DSTYK: variants seen among roughly 807,000 people sequenced by gnomAD.
DSTYK encodes dual serine/threonine and tyrosine protein kinase.
DSTYK carries 34 observed loss-of-function variants against 98.7 expected under a neutral mutation model. The observed-to-expected ratio is 0.34, with a 90% CI of 0.26 to 0.46. The LOEUF (loss-of-function observed/expected upper bound fraction) is 0.46, where lower values mean the gene tolerates loss of function less well. Among genes scored for constraint, DSTYK ranks in the 20% least tolerant of loss-of-function variants. The pLI, the probability that DSTYK is intolerant of heterozygous loss-of-function variation, is 1.00. For synonymous variants in DSTYK, 462 were observed against 457.3 expected, an observed-to-expected ratio of 1.01 and a Z score of -0.13; for missense variants, 962 against 1,181.7, an observed-to-expected ratio of 0.81 and a Z score of 2.73.
At chr1:205,196,851 C>T (rs759036488) in intron 1 of DSTYK, among the ~76,000 whole-genome samples, 35 of 145,664 alleles carry the variant, frequency 2.4e-4, no homozygotes, top group Admixed American at 9.4e-4. Flanking sequence ...TGCAGCCTTC[C>T]GGGTTCGAGC....
intron 1 of DSTYK, among the ~76,000 whole-genome samples, chr1:205,200,255 C>T (rs887914977): frequency 3.1e-4 from 47 of 152,120 alleles, no homozygotes; most frequent in Admixed American, 3.1e-3. Flanking sequence ...CCAGGCTAGT[C>T]TTGAACTACT....
intron 2 of DSTYK, among the ~76,000 whole-genome samples, chr1:205,182,273 C>A (rs760776154): frequency 6.6e-6 from 1 of 151,528 alleles, no homozygotes; most frequent in Non-Finnish European, 1.5e-5. Flanking sequence ...TGGTGACGCA[C>A]GCCTGTAGTC....
intron 2 of DSTYK, among the ~76,000 whole-genome samples, chr1:205,179,015 A>C (rs1658315372): frequency 6.6e-6 from 1 of 151,990 alleles, no homozygotes; most frequent in African/African-American, 2.4e-5. Flanking sequence ...CTGTAGTCCC[A>C]GGCACTCAGG....
intron 3 of DSTYK, among the ~76,000 whole-genome samples, chr1:205,168,581 G>T (rs1657956316): frequency 6.6e-6 from 1 of 152,190 alleles, no homozygotes; most frequent in Admixed American, 6.5e-5. Context: ...TTGCATGGAG[G>T]TTTATACAGA....
Position 205,161,260 on chromosome 1 carries a change from T to A in DSTYK, c.1946A>T (p.His649Leu). 6.2e-7 allele frequency: 1 copy of A among 1,613,960 alleles called. No homozygotes were observed. Residue 649 changes from histidine (H) to leucine (L), a missense_variant and splice_region_variant, in exon 7 of 13, where the codon CAT becomes CTT. His to Leu is a moderately conservative substitution (Grantham distance 99). This residue lies in a region of DSTYK where 660 missense variants were observed against 855.0 expected (regional missense o/e 0.77). Transcript: ENST00000367162. ...ESCSLQDVLL[H>L]RKPKLGQELG... ...ATCTAGAAGAAAACCAGACTCACGATGAAGCAAGACATCCTGTAAAGAACA... is the reference window on the plus strand; with the variant it reads ...ATCTAGAAGAAAACCAGACTCACGAAGAAGCAAGACATCCTGTAAAGAACA...
At chr1:205,153,367 CCTACATCT>C (rs1167111478) in intron 10 of DSTYK, among the ~76,000 whole-genome samples, 1 of 152,122 alleles carries the variant, frequency 6.6e-6, no homozygotes, top group Non-Finnish European at 1.5e-5. Context: ...CAGCCTTCAT[CCTACATCT>C]CTGATCAAAC....
intron 7 of DSTYK, among the ~76,000 whole-genome samples, chr1:205,160,639 A>C (rs1657690137): frequency 6.6e-6 from 1 of 152,022 alleles, no homozygotes; most frequent in African/African-American, 2.4e-5. Context: ...CTGGCCCTGT[A>C]ACATTCTTCA....
At chr1:205,151,379 T>G (rs898533605) in intron 10 of DSTYK, among the ~76,000 whole-genome samples, 1 of 152,242 alleles carries the variant, frequency 6.6e-6, no homozygotes, top group South Asian at 2.1e-4. Context: ...ATAAACTTTT[T>G]AATTTTTTAA....
At chr1:205,207,703 C>T (rs1362968850) in intron 1 of DSTYK, among the ~76,000 whole-genome samples, 1 of 115,230 alleles carries the variant, frequency 8.7e-6, no homozygotes, top group African/African-American at 3.4e-5. Context: ...TTGCAGTGAG[C>T]CAAGATCACG....
intron 2 of DSTYK, among the ~76,000 whole-genome samples, chr1:205,171,365 G>A (rs926076104): frequency 2.6e-5 from 4 of 151,430 alleles, no homozygotes; most frequent in South Asian, 4.2e-4. Flanking sequence ...GCAGGAGAAC[G>A]GCTTGAACCC....
intron 10 of DSTYK, among the ~76,000 whole-genome samples, chr1:205,156,249 A>G (rs1273112734): frequency 1.3e-5 from 2 of 152,190 alleles, no homozygotes; most frequent in African/African-American, 4.8e-5. Flanking sequence ...AGCTGTGAGA[A>G]GAAGGCCACT....
chr1:205,209,764 C>T (rs1051428935), intron 1 of DSTYK, among the ~76,000 whole-genome samples: 1 of 152,070 alleles, frequency 6.6e-6, no homozygotes, highest in Non-Finnish European at 1.5e-5. Flanking sequence ...AGACCTAACA[C>T]GCAAAGTCAG....
chr1:205,164,768 T>A (rs1372771309), intron 3 of DSTYK, among the ~76,000 whole-genome samples: 1 of 152,162 alleles, frequency 6.6e-6, no homozygotes, highest in Non-Finnish European at 1.5e-5. Context: ...GCAATTTTGT[T>A]AGCTTTTATG....
Position 205,169,139 on chromosome 1 carries a change from C to A in DSTYK, c.1324+24G>T. ...TTAGAGACTCCTCCCGTGCCAGCAC[C>A]CCAACAAGCTCTCTGGGACCTACCT... is the stretch of plus-strand genomic sequence containing the variant. On this transcript the variant is annotated intron_variant, in intron 3 of 12. Coordinates refer to ENST00000367162, the MANE Select transcript of DSTYK (RefSeq NM_015375.3). The surrounding 1 kb of genome is among the most constrained non-coding windows in gnomAD (Gnocchi z 4.0). 6.5e-7 allele frequency: 1 copy of A among 1,548,676 alleles called. No individual in the cohort carries two copies. The highest frequency in any genetic ancestry group is 1.3e-5 in the South Asian group (1 of 78,960).
chr1:205,155,019 C>T (rs1022797970), intron 10 of DSTYK, among the ~76,000 whole-genome samples: 2 of 151,962 alleles, frequency 1.3e-5, no homozygotes, highest in Non-Finnish European at 2.9e-5. Context: ...GAGCCTCACT[C>T]TGTCACCCAG....
At chr1:205,151,680 G>C (rs958850849) in intron 10 of DSTYK, among the ~76,000 whole-genome samples, 2 of 137,942 alleles carry the variant, frequency 1.4e-5, no homozygotes, top group Non-Finnish European at 3.3e-5. Flanking sequence ...TGTCCAGGCT[G>C]GTTATAGGCT....
chr1:205,163,657 T>C, intron 4 of DSTYK, 66 bp downstream of exon 4: 4 of 1,301,274 alleles, frequency 3.1e-6, no homozygotes, highest in Non-Finnish European at 3.3e-6. Flanking sequence ...ATTTGAAGTG[T>C]GGACTTGTGC....
intron 1 of DSTYK, among the ~76,000 whole-genome samples, chr1:205,206,560 T>G (rs1174204140): frequency 6.6e-6 from 1 of 150,884 alleles, no homozygotes; most frequent in East Asian, 2.0e-4. Flanking sequence ...ATTACAGGCG[T>G]GAGCCACCGC....
At chr1:205,202,125 G>T in intron 1 of DSTYK, 1 of 487,800 alleles carries the variant, frequency 2.1e-6, no homozygotes, top group East Asian at 5.5e-5. Flanking sequence ...AAGGGGAAGG[G>T]AAGGGAAGGG....
Sources: gnomAD v4.1 joint callset for allele counts (sites outside exome capture counted in the v4.1 genomes callset) on GRCh38, gnomAD v4.1.1 for gene constraint, gnomAD v4.1.1 regional missense constraint, Gnocchi (gnomAD v3.1) non-coding constraint, MANE v1.5 for transcripts, NCBI Gene and HGNC (gene_info 2026-07-23, HGNC 2026-07-21) for gene names.